COL12A1: variants seen among roughly 807,000 people sequenced by gnomAD.
The protein encoded by COL12A1 is collagen alpha-1(XII) chain.
Under a neutral mutation model 349.7 loss-of-function variants are expected in COL12A1, and 114 were observed. That is an observed-to-expected ratio of 0.33 (90% CI 0.28 to 0.38). The LOEUF (loss-of-function observed/expected upper bound fraction) is 0.38. COL12A1 is among the 10% of genes least tolerant of loss of function. The pLI, the probability that COL12A1 is intolerant of heterozygous loss-of-function variation, is 1.00. For missense variants in COL12A1, 3,284 were observed against 3,756.9 expected, an observed-to-expected ratio of 0.87 and a Z score of 3.29; for synonymous variants, 1,369 against 1,329.0, an observed-to-expected ratio of 1.03 and a Z score of -0.66.
Position 75,192,234 on chromosome 6 carries a change from T to C in COL12A1, c.312A>G (p.Val104=). Residue 104 remains valine, a synonymous_variant, in exon 4 of 66, where the codon GTA becomes GTG. Coordinates refer to ENST00000322507, the MANE Select transcript of COL12A1 (RefSeq NM_004370.6). ...TACTTGTTAGTTGTCCTATAACTGGTACACTTTCTTCTACTTCATCATATG... is the reference window on the plus strand; with the variant it reads ...TACTTGTTAGTTGTCCTATAACTGGCACACTTTCTTCTACTTCATCATATG... ...ITSYDEVEES[V]PVIGQLTIQT... 6.2e-7 allele frequency: 1 copy of C among 1,603,666 alleles called. No homozygotes were observed. The highest frequency in any genetic ancestry group is 8.5e-7 in the Non-Finnish European group (1 of 1,173,816).
At chr6:75,204,610 G>A (rs3756791) in intron 1 of COL12A1, among the ~76,000 whole-genome samples, 126,463 of 152,060 alleles carry the variant, frequency 0.83, 53,793 homozygotes, top group Non-Finnish European at 0.93. Context: ...GAAAGCGGCC[G>A]CCCCTACGTG....
chr6:75,098,551 T>C (rs144381546), intron 58 of COL12A1, among the ~76,000 whole-genome samples: 28 of 152,164 alleles, frequency 1.8e-4, no homozygotes, highest in Non-Finnish European at 3.2e-4. Flanking sequence ...CCCAGCTACT[T>C]GGGAGGCTAA....
intron 64 of COL12A1, among the ~76,000 whole-genome samples, chr6:75,088,361 C>A (rs1767601134): frequency 1.3e-5 from 2 of 151,920 alleles, no homozygotes; most frequent in African/African-American, 2.4e-5. Context: ...ATATCTCAGG[C>A]CCTTTTAGTG....
rs373187867 is a variant in COL12A1, at chr6:75,156,541, G to C, written c.2984-18C>G. 66 of 1,611,124 alleles carry C rather than the reference G, an allele frequency of 4.1e-5. No homozygotes were observed. The highest frequency in any genetic ancestry group is 1.6e-4 in the Middle Eastern group (1 of 6,070). Reference sequence around the variant, plus strand: ...TTGAGATACTGGGAGATAAAAGGAAGATTAAACTGTATACCATGTTGAAAA... The same window carrying C: ...TTGAGATACTGGGAGATAAAAGGAACATTAAACTGTATACCATGTTGAAAA... On this transcript the variant is annotated intron_variant, in intron 14 of 65. Transcript: ENST00000322507.
intron 11 of COL12A1, among the ~76,000 whole-genome samples, chr6:75,178,808 G>A (rs945967264): frequency 2.0e-5 from 3 of 152,090 alleles, no homozygotes; most frequent in Non-Finnish European, 2.9e-5. Context: ...ATCACTCCAG[G>A]GAGAAAGAAA....
chr6:75,185,615 C>T (rs1250662768), intron 8 of COL12A1, among the ~76,000 whole-genome samples: 1 of 152,126 alleles, frequency 6.6e-6, no homozygotes, highest in African/African-American at 2.4e-5. Flanking sequence ...CTAGAAACAC[C>T]TATTTTAAAT....
chr6:75,093,841 T>C (rs987757262), intron 60 of COL12A1, among the ~76,000 whole-genome samples: 1 of 152,190 alleles, frequency 6.6e-6, no homozygotes, highest in Non-Finnish European at 1.5e-5. Context: ...GCTGTAGACA[T>C]TTCTTTTAGG....
chr6:75,152,121 C>T lies in COL12A1; in HGVS notation c.3835+10G>A. On this transcript the variant is annotated intron_variant, in intron 19 of 65. Transcript: ENST00000322507. ...ATGAGCTGAAAGACTGTCAGACAGT[C>T]CTTACTCACCTGTGAGAGTATTGCC... 1 of 1,613,764 alleles carries T rather than the reference C, an allele frequency of 6.2e-7. No individual in the cohort carries two copies. The highest frequency in any genetic ancestry group is 2.2e-5 in the East Asian group (1 of 44,868).
At chr6:75,118,747 T>A (rs1769206715) in intron 46 of COL12A1, among the ~76,000 whole-genome samples, 1 of 152,238 alleles carries the variant, frequency 6.6e-6, no homozygotes. Flanking sequence ...GCAGGAAGCC[T>A]GCTCTAGCAT....
Position 75,146,028 on chromosome 6 carries a change from C to G in COL12A1, c.4560+74G>C, listed in dbSNP as rs1462782107. On this transcript the variant is annotated intron_variant, in intron 24 of 65. Transcript: ENST00000322507. The stretch of plus-strand genomic sequence containing the variant: ...AAGTTATAAATGAGTTTGTAAGTAA[C>G]TGCAGTATAATAGGCACTATAAAGC... 3 of 1,381,536 alleles carry G rather than the reference C, an allele frequency of 2.2e-6. No homozygotes were observed. The African/African-American group carries it at 4.4e-5, about 20-fold the overall frequency. 85.6% of individuals were successfully genotyped at this position (1,381,536 alleles called of 1,614,324 possible).
In COL12A1 at chr6:75,102,653, G is replaced by A. The variant is rs1184114008; in HGVS notation, c.8359C>T (p.Pro2787Ser). The stretch of plus-strand genomic sequence containing the variant: ...CCCTGAGGGCCTGGAGGACCCTGGG[G>A]GCCTGGAGGACCTATGTCTCCACGA... ...GPRGDIGPPG[P>S]QGPPGPQGPN... is the part of the protein sequence containing the mutation. The change falls in exon 56 of 66, where the codon CCC becomes TCC. Residue 2787 changes from proline to serine, a missense_variant. By Grantham distance (74) the Pro-to-Ser change is moderately conservative. This residue lies in a region of COL12A1 where 683 missense variants were observed against 932.1 expected (regional missense o/e 0.73). Coordinates refer to ENST00000322507, the MANE Select transcript of COL12A1 (RefSeq NM_004370.6). The A allele has an allele frequency of 1.3e-6, 2 of 1,570,190 alleles. No individual in the cohort carries two copies. The highest frequency in any genetic ancestry group is 8.6e-7 in the Non-Finnish European group (1 of 1,159,304).
Position 75,121,529 on chromosome 6 carries a change from C to A in COL12A1, c.6947-88G>T, listed in dbSNP as rs984534625. 2.7e-5 allele frequency: 38 copies of A among 1,387,098 alleles called. No individual in the cohort carries two copies. In the African/African-American group the frequency reaches 5.2e-4, roughly 19 times the overall value. The allele number at this position is 1,387,098 out of a possible 1,614,324, so 85.9% of individuals were successfully genotyped here. On this transcript the variant is annotated intron_variant, in intron 43 of 65. Coordinates refer to ENST00000322507, the MANE Select transcript of COL12A1 (RefSeq NM_004370.6). The stretch of plus-strand genomic sequence containing the variant: ...ACATAATTGAAAATGCAATATAACA[C>A]CTTGCTACGCAAAGTGTGGTTCTGC...
rs1249732413 is a variant in COL12A1 at position 75,117,541 on chromosome 6, T to C, written c.7360A>G (p.Ser2454Gly). The C allele has an allele frequency of 1.2e-6, 2 of 1,613,144 alleles. No individual in the cohort carries two copies. The highest frequency in any genetic ancestry group is 2.7e-5 in the African/African-American group (2 of 74,890). Residue 2454 changes from serine (S) to glycine (G), a missense_variant, in exon 47 of 66, where the codon AGT (serine) becomes GGT (glycine). Ser to Gly is a moderately conservative substitution (Grantham distance 56). This residue lies in a region of COL12A1 where 683 missense variants were observed against 932.1 expected (regional missense o/e 0.73). Transcript: ENST00000322507. ...AALVIQQSGF[S>G]VFVVGVADVD... ...TCAGCCACACCAACTACAAAGACACTGAACCCTGCAAAGTAGCATTTATAG... is the reference window on the plus strand; with the variant it reads ...TCAGCCACACCAACTACAAAGACACCGAACCCTGCAAAGTAGCATTTATAG...
chr6:75,112,230 G>A (rs150972598), intron 51 of COL12A1, among the ~76,000 whole-genome samples: 50 of 151,868 alleles, frequency 3.3e-4, no homozygotes, highest in Non-Finnish European at 6.1e-4. Flanking sequence ...CAGGTGAAAG[G>A]AAGGAGAGGA....
chr6:75,175,324 T>G lies in COL12A1; in HGVS notation c.2438-14A>C, dbSNP rs768551555. 2.8e-5 allele frequency: 45 copies of G among 1,604,216 alleles called. No homozygotes were observed. In the East Asian group the frequency reaches 9.2e-4, roughly 33 times the overall value. On this transcript the variant is annotated splice_polypyrimidine_tract_variant and intron_variant, in intron 12 of 65. Transcript: ENST00000322507. ...GATTCCCTCTAACTTCATTAAAAAA[T>G]GACAACATCATCAAAACCCATTATT...
Position 75,142,036 on chromosome 6 carries a change from A to T in COL12A1, c.4953T>A (p.Thr1651=). ...GESPPVTAQE[T]TRPVPAPTNL... is the part of the protein sequence containing the mutation. ...TGGAGCAGGAGCACAACTCACGGGTAGTTTCTTGAGCAGTCACTGGAGGAG... is the reference window on the plus strand; with the variant it reads ...TGGAGCAGGAGCACAACTCACGGGTTGTTTCTTGAGCAGTCACTGGAGGAG... The change falls in exon 27 of 66, where the codon ACT becomes ACA. Residue 1651 remains threonine (T), a synonymous_variant. Coordinates refer to ENST00000322507, the MANE Select transcript of COL12A1 (RefSeq NM_004370.6). The T allele has an allele frequency of 6.2e-7, 1 of 1,614,092 alleles. No individual in the cohort carries two copies.
chr6:75,103,377 C>T (rs1768396061), intron 55 of COL12A1, among the ~76,000 whole-genome samples: 1 of 150,818 alleles, frequency 6.6e-6, no homozygotes, highest in South Asian at 2.1e-4. Context: ...AGCCACTCAG[C>T]ATTTTTTTTC....
At chr6:75,126,041 T>C (rs1765997171) in intron 39 of COL12A1, among the ~76,000 whole-genome samples, 1 of 152,168 alleles carries the variant, frequency 6.6e-6, no homozygotes, top group Non-Finnish European at 1.5e-5. Context: ...TATATTGATG[T>C]AATATGCATT....
chr6:75,196,929 T>C (rs112131290), intron 2 of COL12A1, among the ~76,000 whole-genome samples: 119 of 152,282 alleles, frequency 7.8e-4, no homozygotes, highest in Non-Finnish European at 1.1e-3. Flanking sequence ...AAATTGACTG[T>C]GGGGAAAAGT....
Sources: gnomAD v4.1 joint callset for allele counts (sites outside exome capture counted in the v4.1 genomes callset) on GRCh38, gnomAD v4.1.1 for gene constraint, gnomAD v4.1.1 regional missense constraint, MANE v1.5 for transcripts, NCBI Gene and HGNC (gene_info 2026-07-23, HGNC 2026-07-21) for gene names.